DLG2: variants seen among roughly 807,000 people sequenced by gnomAD.
DLG2 encodes disks large homolog 2.
A neutral mutation model predicts 132.5 loss-of-function variants in DLG2; 45 were observed. That is an observed-to-expected ratio of 0.34 (90% CI 0.27 to 0.44). DLG2 has a LOEUF of 0.44. DLG2 is among the 20% of genes least tolerant of loss of function. The probability of loss-of-function intolerance (pLI) is 1.00; values close to 1 mark genes in which losing one functional copy is unlikely to be tolerated. For missense variants in DLG2, 1,045 were observed against 1,196.9 expected (o/e 0.87, Z 1.87); for synonymous variants, 424 against 419.6 (o/e 1.01, Z -0.13).
At chr11:83,910,083 G>T (rs577645023) in intron 15 of DLG2, among the ~76,000 whole-genome samples, 18 of 152,130 alleles carry the variant, frequency 1.2e-4, no homozygotes, top group Non-Finnish European at 2.5e-4. Context: ...GAACAGTTCA[G>T]TAATAAACCC....
chr11:84,617,693 C>G (rs907220634), intron 6 of DLG2, among the ~76,000 whole-genome samples: 7 of 151,938 alleles, frequency 4.6e-5, no homozygotes, highest in Non-Finnish European at 7.4e-5. Flanking sequence ...AAACATTAGA[C>G]TATTAGGATG....
chr11:83,612,223 G>T (rs1186283379), intron 19 of DLG2, among the ~76,000 whole-genome samples: 1 of 152,168 alleles, frequency 6.6e-6, no homozygotes, highest in Non-Finnish European at 1.5e-5. Context: ...CAGAGTAACA[G>T]AGTTAGATTT....
chr11:83,888,301 A>C (rs992772043), intron 15 of DLG2, among the ~76,000 whole-genome samples: 21 of 152,108 alleles, frequency 1.4e-4, no homozygotes, highest in East Asian at 5.8e-4. Context: ...TCTTATACAC[A>C]AATAACAGAC....
intron 11 of DLG2, among the ~76,000 whole-genome samples, chr11:84,031,168 C>A (rs1223412175): frequency 6.6e-6 from 1 of 151,010 alleles, no homozygotes; most frequent in African/African-American, 2.4e-5. Context: ...TACAATTATA[C>A]CACCCATAAA....
intron 9 of DLG2, among the ~76,000 whole-genome samples, chr11:84,104,617 G>A (rs2092774706): frequency 6.6e-6 from 1 of 151,794 alleles, no homozygotes; most frequent in Non-Finnish European, 1.5e-5. Flanking sequence ...AATAAAAACG[G>A]AAAATGTTGA....
Position 84,866,777 on chromosome 11 carries a change from A to AAAAAAGTGAAGAAACTT in DLG2, c.357+244867_357+244883dup, listed in dbSNP as rs1357128588. On this transcript the variant is annotated intron_variant, in intron 6 of 27. Transcript: ENST00000376104. ...ATGCGGTAGTTATACCATTTTTTTGAAAAAAGTGAAGAAACTTAAAAAGTG... is the reference window on the plus strand; with the variant it reads ...ATGCGGTAGTTATACCATTTTTTTGAAAAAAGTGAAGAAACTTAAAAAGTGAAGAAACTTAAAAAGTG... Among the ~76,000 whole-genome samples the AAAAAAGTGAAGAAACTT allele has an allele frequency of 8.5e-5, 13 of 152,188 alleles. 1 individual carries two copies. Among genetic ancestry groups the AAAAAAGTGAAGAAACTT allele is most frequent in the Admixed American group, 5.2e-4 (8 of 15,294 alleles).
At chr11:85,608,136 G>C (rs1033465635) in intron 2 of DLG2, among the ~76,000 whole-genome samples, 1 of 152,112 alleles carries the variant, frequency 6.6e-6, no homozygotes, top group East Asian at 1.9e-4. Context: ...CAACTATTCT[G>C]ATTAGCAGGG....
chr11:85,395,349 G>A (rs573500827), intron 3 of DLG2, among the ~76,000 whole-genome samples: 66 of 152,250 alleles, frequency 4.3e-4, no homozygotes, highest in Non-Finnish European at 7.9e-4. Context: ...AGGCAGAAGA[G>A]GGGTGGTTTC....
chr11:84,112,863 T>C (rs2093436079), intron 9 of DLG2, among the ~76,000 whole-genome samples: 1 of 152,224 alleles, frequency 6.6e-6, no homozygotes, highest in Non-Finnish European at 1.5e-5. Context: ...CTAGCTTTAC[T>C]ATCTCTTGAC....
chr11:84,467,361 T>G (rs572237217), intron 7 of DLG2, among the ~76,000 whole-genome samples: 1 of 151,550 alleles, frequency 6.6e-6, no homozygotes, highest in South Asian at 2.1e-4. Flanking sequence ...AATAACATTT[T>G]AAGATAATGA....
At chr11:84,919,802 C>G (rs2092674005) in intron 6 of DLG2, among the ~76,000 whole-genome samples, 1 of 152,162 alleles carries the variant, frequency 6.6e-6, no homozygotes, top group Admixed American at 6.5e-5. Context: ...TCTGATGCAA[C>G]AAGCTTCCTG....
chr11:84,005,128 C>T (rs1207543283), intron 11 of DLG2, among the ~76,000 whole-genome samples: 2 of 151,850 alleles, frequency 1.3e-5, no homozygotes, highest in East Asian at 3.9e-4. Flanking sequence ...TATTACTAGG[C>T]ATGGTATTGG....
At chr11:84,663,714 A>G (rs967509029) in intron 6 of DLG2, among the ~76,000 whole-genome samples, 2 of 152,188 alleles carry the variant, frequency 1.3e-5, no homozygotes, top group Non-Finnish European at 2.9e-5. Flanking sequence ...TATATAGTCC[A>G]ACACTATTCA....
intron 17 of DLG2, among the ~76,000 whole-genome samples, chr11:83,830,100 A>G (rs7926247): frequency 0.27 from 41,575 of 152,138 alleles, 7,204 homozygotes; most frequent in African/African-American, 0.49. Flanking sequence ...ATACTAAGGA[A>G]AAATGTTCCC....
Position 85,111,712 on chromosome 11 carries a change from G to C in DLG2, c.306C>G (p.Ala102=). The change falls in exon 6 of 28, where the codon GCC becomes GCG. Residue 102 remains alanine (A), a synonymous_variant. Transcript: ENST00000376104. ...CAGGGGCTTCCACTGAACAATTCTG[G>C]GCTGGGCATCTGCCTTGGTTTTGCT... ...TTTQNQGRCP[A]QNCSVEAPAW... The C allele has an allele frequency of 1.3e-6, 2 of 1,561,392 alleles. No homozygotes were observed. Among genetic ancestry groups the C allele is most frequent in the Non-Finnish European group, 1.7e-6 (2 of 1,152,174 alleles).
At chr11:84,653,341 C>T (rs1428626376) in intron 6 of DLG2, among the ~76,000 whole-genome samples, 1 of 152,166 alleles carries the variant, frequency 6.6e-6, no homozygotes, top group South Asian at 2.1e-4. Flanking sequence ...AAAGATCTAA[C>T]TTACATTAAA....
chr11:85,196,434 T>G (rs1439435125), intron 4 of DLG2, among the ~76,000 whole-genome samples: 1 of 152,210 alleles, frequency 6.6e-6, no homozygotes, highest in East Asian at 1.9e-4. Flanking sequence ...GGCAGTGGTG[T>G]CCTGGTCAGT....
At chr11:84,532,116 C>CTTTTTT (rs1565211965) in intron 7 of DLG2, among the ~76,000 whole-genome samples, 3 of 69,916 alleles carry the variant, frequency 4.3e-5, no homozygotes, top group African/African-American at 1.4e-4. Context: ...TTGTTCTGTT[C>CTTTTTT]ATTTTTTTTT....
intron 8 of DLG2, among the ~76,000 whole-genome samples, chr11:84,238,269 C>T (rs1331591671): frequency 6.6e-6 from 1 of 152,026 alleles, no homozygotes; most frequent in Non-Finnish European, 1.5e-5. Flanking sequence ...CATTCCAATA[C>T]TTTGAGAGGC....
Sources: gnomAD v4.1 joint callset for allele counts (sites outside exome capture counted in the v4.1 genomes callset) on GRCh38, gnomAD v4.1.1 for gene constraint, MANE v1.5 for transcripts, NCBI Gene and HGNC (gene_info 2026-07-23, HGNC 2026-07-21) for gene names.